IMMP2L: variants seen among roughly 807,000 people sequenced by gnomAD.
IMMP2L encodes the protein inner mitochondrial membrane peptidase subunit 2.
Under a neutral mutation model 19.3 loss-of-function variants are expected in IMMP2L, and 18 were observed. The ratio of observed to expected loss-of-function variants is 0.93; its 90% CI spans 0.64 to 1.38. The LOEUF (loss-of-function observed/expected upper bound fraction) is 1.38, where lower values mean the gene tolerates loss of function less well. Ranked by LOEUF, IMMP2L falls within the 40% of genes most tolerant of loss-of-function variation. The pLI is 0.00. For missense variants in IMMP2L, 233 were observed against 218.2 expected, an observed-to-expected ratio of 1.07 and a Z score of -0.43; for synonymous variants, 76 against 73.0, an observed-to-expected ratio of 1.04 and a Z score of -0.21.
rs1323462013 is a variant in IMMP2L at position 110,942,883 on chromosome 7, C to T, written c.305+20617G>A. The stretch of plus-strand genomic sequence containing the variant: ...CACCCAAGTAATATGACAAATAAGG[C>T]AATGCCAGCTATCTTTATCAGTGAC... On this transcript the variant is annotated intron_variant, in intron 4 of 5. Transcript: ENST00000405709. Among the ~76,000 whole-genome samples, 3 of 151,902 alleles carry T rather than the reference C, an allele frequency of 2.0e-5. No homozygotes were observed. The East Asian group carries it at 5.8e-4, about 29-fold the overall frequency.
At chr7:111,242,534 A>G (rs1815217193) in intron 3 of IMMP2L, among the ~76,000 whole-genome samples, 1 of 152,114 alleles carries the variant, frequency 6.6e-6, no homozygotes, top group African/African-American at 2.4e-5. Context: ...CCAATGAGCT[A>G]CAAAATACAA....
intron 3 of IMMP2L, among the ~76,000 whole-genome samples, chr7:110,994,511 C>T (rs1822834367): frequency 6.6e-6 from 1 of 152,074 alleles, no homozygotes; most frequent in Non-Finnish European, 1.5e-5. Flanking sequence ...AAGAAGTATG[C>T]CCTCCGCTTC....
chr7:111,269,611 C>A (rs1818226626), intron 3 of IMMP2L, among the ~76,000 whole-genome samples: 1 of 151,174 alleles, frequency 6.6e-6, no homozygotes, highest in Non-Finnish European at 1.5e-5. Flanking sequence ...ATGTTAAATG[C>A]AAGTTTTAAT....
chr7:111,025,320 A>C (rs1297234746), intron 3 of IMMP2L, among the ~76,000 whole-genome samples: 2 of 152,192 alleles, frequency 1.3e-5, no homozygotes, highest in African/African-American at 2.4e-5. Context: ...GTGAAGATTA[A>C]ATGAGAAAAA....
At chr7:111,551,283 T>C (rs968107014) in intron 1 of IMMP2L, among the ~76,000 whole-genome samples, 2 of 152,138 alleles carry the variant, frequency 1.3e-5, no homozygotes, top group Non-Finnish European at 2.9e-5. Context: ...AAATATTAAA[T>C]TTTTATGATT....
chr7:110,730,612 C>T (rs1354403420), intron 5 of IMMP2L, among the ~76,000 whole-genome samples: 4 of 151,966 alleles, frequency 2.6e-5, no homozygotes, highest in Non-Finnish European at 4.4e-5. Context: ...GCAAGCTCCG[C>T]CTCCCGGGTT....
chr7:110,791,407 C>G (rs1337779403), intron 5 of IMMP2L, among the ~76,000 whole-genome samples: 1 of 151,524 alleles, frequency 6.6e-6, no homozygotes, highest in African/African-American at 2.4e-5. Context: ...AATATTTTGC[C>G]AGGGATTTTT....
intron 5 of IMMP2L, among the ~76,000 whole-genome samples, chr7:110,804,634 A>C (rs1290918552): frequency 6.6e-6 from 1 of 152,096 alleles, no homozygotes; most frequent in African/African-American, 2.4e-5. Context: ...TGGACACCTA[A>C]GTTTGGGTCA....
intron 5 of IMMP2L, among the ~76,000 whole-genome samples, chr7:110,776,800 C>T (rs1397517284): frequency 6.6e-6 from 1 of 151,976 alleles, no homozygotes; most frequent in East Asian, 1.9e-4. Context: ...CTTGGTCAAG[C>T]TTTCTCTTTA....
Position 110,747,838 on chromosome 7 carries a change from C to G in IMMP2L, c.409-84117G>C, listed in dbSNP as rs1414088064. Among the ~76,000 whole-genome samples the G allele has an allele frequency of 2.0e-5, 3 of 151,348 alleles. No individual in the cohort carries two copies. In the East Asian group the frequency reaches 5.8e-4, roughly 29 times the overall value. ...GAAGCATTCCCTTTGAAAACCAGCA[C>G]AAGACCAGGATGCCCTCTCTCACCA... On this transcript the variant is annotated intron_variant, in intron 5 of 5. Transcript: ENST00000405709.
At chr7:110,673,900 T>C (rs1370224342) in intron 5 of IMMP2L, among the ~76,000 whole-genome samples, 1 of 152,184 alleles carries the variant, frequency 6.6e-6, no homozygotes, top group Non-Finnish European at 1.5e-5. Flanking sequence ...TTCTCACACT[T>C]TCCTGTCTTT....
At chr7:111,402,694 C>A (rs1716417714) in intron 3 of IMMP2L, among the ~76,000 whole-genome samples, 1 of 151,974 alleles carries the variant, frequency 6.6e-6, no homozygotes, top group Non-Finnish European at 1.5e-5. Flanking sequence ...GCCTGGGTGA[C>A]AGAGTGAGAT....
In IMMP2L at chr7:110,803,433, A is replaced by G. The variant is rs1452550012; in HGVS notation, c.408+83160T>C. On this transcript the variant is annotated intron_variant, in intron 5 of 5. Transcript: ENST00000405709. The surrounding 1 kb of genome is among the most constrained non-coding windows in gnomAD (Gnocchi z 4.2). Reference sequence around the variant, plus strand: ...CAGTATGGGGTCTCTGGAAAGGCAGACTCTGAAACAGAATTTAGTGTTTAA... The same window carrying G: ...CAGTATGGGGTCTCTGGAAAGGCAGGCTCTGAAACAGAATTTAGTGTTTAA... Among the ~76,000 whole-genome samples the G allele has an allele frequency of 6.6e-6, 1 of 152,082 alleles. No individual in the cohort carries two copies. Among genetic ancestry groups the G allele is most frequent in the African/African-American group, 2.4e-5 (1 of 41,440 alleles).
At chr7:110,703,945 A>G (rs978541955) in intron 5 of IMMP2L, among the ~76,000 whole-genome samples, 15 of 151,470 alleles carry the variant, frequency 9.9e-5, no homozygotes, top group African/African-American at 3.6e-4. Flanking sequence ...TCCCGGGTTC[A>G]TGCCATTCTT....
intron 2 of IMMP2L, among the ~76,000 whole-genome samples, chr7:111,493,809 C>A (rs1173356350): frequency 2.0e-5 from 3 of 151,380 alleles, no homozygotes; most frequent in African/African-American, 7.3e-5. Flanking sequence ...AGATCGAGAT[C>A]ATCCTGGCTC....
At chr7:111,286,803 GGATCCTCTTTAACACACCCA>G (rs1820535249) in intron 3 of IMMP2L, among the ~76,000 whole-genome samples, 1 of 152,142 alleles carries the variant, frequency 6.6e-6, no homozygotes, top group Admixed American at 6.6e-5. Flanking sequence ...AAATGGTCAT[GGATCCTCTTTAACACACCCA>G]TCAGTGGGTG....
chr7:111,141,986 G>C (rs1173781349), intron 3 of IMMP2L, among the ~76,000 whole-genome samples: 1 of 152,164 alleles, frequency 6.6e-6, no homozygotes. Context: ...TTGCAGGCAT[G>C]AGCCACTGTG....
chr7:111,166,648 ACT>A (rs1805854452), intron 3 of IMMP2L, among the ~76,000 whole-genome samples: 1 of 151,768 alleles, frequency 6.6e-6, no homozygotes, highest in African/African-American at 2.4e-5. Context: ...AGAGAAATTT[ACT>A]CTCTCACAGT....
chr7:110,806,614 C>T (rs1279991289), intron 5 of IMMP2L, among the ~76,000 whole-genome samples: 1 of 151,718 alleles, frequency 6.6e-6, no homozygotes, highest in Admixed American at 6.6e-5. Context: ...TAGTTGGTCT[C>T]AAAAAAATGA....
Sources: gnomAD v4.1 joint callset for allele counts (sites outside exome capture counted in the v4.1 genomes callset) on GRCh38, gnomAD v4.1.1 for gene constraint, Gnocchi (gnomAD v3.1) non-coding constraint, MANE v1.5 for transcripts, NCBI Gene and HGNC (gene_info 2026-07-23, HGNC 2026-07-21) for gene names.